Variants in SEMA3A observed in about 807,000 individuals in gnomAD.
SEMA3A encodes semaphorin-3A.
SEMA3A carries 29 observed loss-of-function variants against 97.9 expected under a neutral mutation model. The observed-to-expected ratio is 0.30, with a 90% CI of 0.22 to 0.40. The LOEUF is 0.40. SEMA3A is among the 10% of genes least tolerant of loss of function. The pLI is 1.00. For missense variants in SEMA3A, 763 were observed against 951.3 expected (o/e 0.80, Z 2.60); for synonymous variants, 321 against 323.7 (o/e 0.99, Z 0.09).
At chr7:84,100,390 T>C (rs1388002257) in intron 4 of SEMA3A, among the ~76,000 whole-genome samples, 4 of 152,176 alleles carry the variant, frequency 2.6e-5, no homozygotes, top group Non-Finnish European at 5.9e-5. Flanking sequence ...AACTACTGAA[T>C]AGCATCTTTG....
chr7:84,084,956 G>GC (rs1794285062), intron 4 of SEMA3A, among the ~76,000 whole-genome samples: 1 of 151,362 alleles, frequency 6.6e-6, no homozygotes, highest in Non-Finnish European at 1.5e-5. Context: ...TAGCTTTACA[G>GC]TTGATTACTA....
intron 2 of SEMA3A, among the ~76,000 whole-genome samples, chr7:84,355,368 T>C (rs1172761903): frequency 1.3e-5 from 2 of 151,902 alleles, no homozygotes; most frequent in Non-Finnish European, 2.9e-5. Flanking sequence ...CTTACAATAA[T>C]ACATCTATTA....
intron 4 of SEMA3A, among the ~76,000 whole-genome samples, chr7:84,091,816 GATA>G (rs932418284): frequency 1.3e-5 from 2 of 152,122 alleles, no homozygotes; most frequent in African/African-American, 4.8e-5. Flanking sequence ...CCAGTTTGAT[GATA>G]ATGTTCTTTT....
intron 1 of SEMA3A, among the ~76,000 whole-genome samples, chr7:84,185,692 G>GAAAAAAAAAAAAAAAAAAAAGAAAA (rs1797858831): frequency 1.3e-5 from 1 of 78,132 alleles, no homozygotes; most frequent in African/African-American, 5.4e-5. Context: ...ACTCTGGCAG[G>GAAAAAAAAAAAAAAAAAAAAGAAAA]AAAAAAAAAA....
At chr7:84,463,321 T>G (rs1192611215) in intron 1 of SEMA3A, among the ~76,000 whole-genome samples, 1 of 139,740 alleles carries the variant, frequency 7.2e-6, no homozygotes, top group African/African-American at 2.7e-5. Context: ...CAATCTCGGC[T>G]CACTGCAACC....
At chr7:84,270,592 A>C (rs564311745) in intron 3 of SEMA3A, among the ~76,000 whole-genome samples, 1 of 147,560 alleles carries the variant, frequency 6.8e-6, no homozygotes, top group South Asian at 2.1e-4. Context: ...ATATATAAAT[A>C]ATTATTTATA....
chr7:84,033,054 A>C (rs1319562392), intron 6 of SEMA3A, among the ~76,000 whole-genome samples: 1 of 152,056 alleles, frequency 6.6e-6, no homozygotes, highest in Non-Finnish European at 1.5e-5. Flanking sequence ...AAAAATTGCA[A>C]ATTACTACAT....
At chr7:84,097,748 T>C (rs1018519349) in intron 4 of SEMA3A, among the ~76,000 whole-genome samples, 1 of 152,176 alleles carries the variant, frequency 6.6e-6, no homozygotes, top group Non-Finnish European at 1.5e-5. Context: ...AAATATTCTA[T>C]CATTTTTACA....
chr7:84,469,718 G>A (rs1446742328), intron 1 of SEMA3A, among the ~76,000 whole-genome samples: 2 of 151,922 alleles, frequency 1.3e-5, no homozygotes, highest in South Asian at 4.1e-4. Context: ...AGAGTGACAT[G>A]GATCAATTTC....
intron 15 of SEMA3A, among the ~76,000 whole-genome samples, chr7:83,975,260 G>A (rs1789097265): frequency 6.6e-6 from 1 of 151,808 alleles, no homozygotes; most frequent in Non-Finnish European, 1.5e-5. Flanking sequence ...TCTATAAAGG[G>A]ATCACTAAAC....
At chr7:84,241,727 C>T (rs1476877278) in intron 3 of SEMA3A, among the ~76,000 whole-genome samples, 2 of 152,076 alleles carry the variant, frequency 1.3e-5, no homozygotes, top group East Asian at 1.9e-4. Flanking sequence ...AATGGTATTG[C>T]CTAGGTTTTC....
chr7:84,341,755 T>C (rs555610341), intron 2 of SEMA3A, among the ~76,000 whole-genome samples: 1 of 152,246 alleles, frequency 6.6e-6, no homozygotes, highest in South Asian at 2.1e-4. Flanking sequence ...CTGCTTTCTG[T>C]TAAAGTGATT....
chr7:84,331,632 A>G (rs1801911222), intron 2 of SEMA3A, among the ~76,000 whole-genome samples: 1 of 152,112 alleles, frequency 6.6e-6, no homozygotes, highest in Non-Finnish European at 1.5e-5. Flanking sequence ...GTGCCTGGAA[A>G]GCCATAAAGA....
intron 1 of SEMA3A, among the ~76,000 whole-genome samples, chr7:84,410,358 C>T (rs923404624): frequency 1.3e-5 from 2 of 152,038 alleles, no homozygotes; most frequent in African/African-American, 4.8e-5. Flanking sequence ...AGATAAAAGA[C>T]ATTCTTTTAA....
intron 2 of SEMA3A, among the ~76,000 whole-genome samples, chr7:84,351,943 C>A (rs1802447027): frequency 6.6e-6 from 1 of 151,282 alleles, no homozygotes; most frequent in Admixed American, 6.6e-5. Flanking sequence ...CAGCACTATT[C>A]ATAATAGCTG....
rs111950593 is a variant in SEMA3A, at chr7:84,309,565, G to A, written c.-168-2273C>T. Among the ~76,000 whole-genome samples the A allele has an allele frequency of 3.3e-5, 5 of 152,218 alleles. 1 individual carries two copies. Among genetic ancestry groups the A allele is most frequent in the African/African-American group, 1.2e-4 (5 of 41,532 alleles). On this transcript the variant is annotated intron_variant, in intron 2 of 3. Transcript: ENST00000424555. ...TTGACTTCTACTGATGGACCCTTCT[G>A]GGCTAGCAATGGGTCAGCCTTTCTC...
At chr7:84,031,514 G>A (rs975637829) in intron 6 of SEMA3A, among the ~76,000 whole-genome samples, 3 of 151,928 alleles carry the variant, frequency 2.0e-5, no homozygotes, top group East Asian at 1.9e-4. Context: ...AAGCAAATAC[G>A]TAATAATAAC....
intron 5 of SEMA3A, among the ~76,000 whole-genome samples, chr7:84,056,331 G>C (rs1045795348): frequency 6.6e-6 from 1 of 152,142 alleles, no homozygotes; most frequent in Non-Finnish European, 1.5e-5. Context: ...AACTCAAAAT[G>C]AAGTAAAAAT....
chr7:84,114,905 T>A (rs1215969917), intron 3 of SEMA3A, among the ~76,000 whole-genome samples: 2 of 152,142 alleles, frequency 1.3e-5, no homozygotes, highest in Admixed American at 1.3e-4. Context: ...AACTAAAATA[T>A]AAACCATGTT....
Sources: gnomAD v4.1 joint callset for allele counts (sites outside exome capture counted in the v4.1 genomes callset) on GRCh38, gnomAD v4.1.1 for gene constraint, MANE v1.5 for transcripts, NCBI Gene and HGNC (gene_info 2026-07-23, HGNC 2026-07-21) for gene names.